The following STAU2 variants were observed in gnomAD, a reference collection of about 807,000 sequenced individuals.
The protein encoded by STAU2 is double-stranded RNA-binding protein Staufen homolog 2.
In STAU2, 20 loss-of-function variants were observed where a neutral mutation model predicts 65.9. The ratio of observed to expected loss-of-function variants is 0.30; its 90% CI spans 0.21 to 0.44. STAU2 has a LOEUF of 0.44. Ranked by LOEUF, STAU2 falls within the 20% of genes least tolerant of loss-of-function variation. The pLI, the probability that STAU2 is intolerant of heterozygous loss-of-function variation, is 1.00. For synonymous variants in STAU2, 232 were observed against 233.9 expected (o/e 0.99, Z 0.07); for missense variants, 558 against 683.9 (o/e 0.82, Z 2.05).
intron 11 of STAU2, among the ~76,000 whole-genome samples, chr8:73,584,604 G>C (rs1454898491): frequency 1.3e-5 from 2 of 152,162 alleles, no homozygotes; most frequent in East Asian, 3.9e-4. Flanking sequence ...CTAGAGGAGA[G>C]TAATCATGCT....
chr8:73,499,129 T>G lies in STAU2; in HGVS notation c.1530+52883A>C, dbSNP rs555482489. Reference sequence around the variant, plus strand: ...CTTCAACTCAAACTGCAATATTAACTCTGCCTGTTTCCAGCCCACTTACCT... The same window carrying G: ...CTTCAACTCAAACTGCAATATTAACGCTGCCTGTTTCCAGCCCACTTACCT... On this transcript the variant is annotated intron_variant, in intron 13 of 14. Coordinates refer to ENST00000524300, the MANE Select transcript of STAU2 (RefSeq NM_001164380.2). Among the ~76,000 whole-genome samples the G allele has an allele frequency of 1.1e-4, 17 of 151,946 alleles. No individual in the cohort carries two copies. In the East Asian group the frequency reaches 3.3e-3, roughly 30 times the overall value.
chr8:73,461,363 G>A (rs935211068), intron 13 of STAU2, among the ~76,000 whole-genome samples: 2 of 152,118 alleles, frequency 1.3e-5, no homozygotes, highest in African/African-American at 4.8e-5. Flanking sequence ...TTTCAAAGGA[G>A]TAATAATTAT....
At chr8:73,545,638 T>A (rs1276971292) in intron 13 of STAU2, among the ~76,000 whole-genome samples, 2 of 150,484 alleles carry the variant, frequency 1.3e-5, no homozygotes, top group Non-Finnish European at 3.0e-5. Flanking sequence ...CAGAATTCTT[T>A]TTTTTTTTTT....
chr8:73,480,987 T>A (rs1333735274), intron 13 of STAU2, among the ~76,000 whole-genome samples: 3 of 152,156 alleles, frequency 2.0e-5, no homozygotes, highest in African/African-American at 7.2e-5. Context: ...AAAATTCTTG[T>A]CATAAAAAGT....
At chr8:73,510,962 C>T (rs1266813056) in intron 13 of STAU2, among the ~76,000 whole-genome samples, 5 of 152,208 alleles carry the variant, frequency 3.3e-5, no homozygotes, top group Admixed American at 2.6e-4. Context: ...CTCTGCCTTG[C>T]AATTGGGAGC....
chr8:73,559,540 C>G (rs1808038177), intron 12 of STAU2, among the ~76,000 whole-genome samples: 1 of 152,180 alleles, frequency 6.6e-6, no homozygotes, highest in Non-Finnish European at 1.5e-5. Flanking sequence ...CAGTGTGGGC[C>G]TCATAGCCGG....
intron 6 of STAU2, among the ~76,000 whole-genome samples, chr8:73,623,010 A>G (rs1041197597): frequency 2.6e-5 from 4 of 152,240 alleles, no homozygotes; most frequent in East Asian, 3.8e-4. Flanking sequence ...GATCCCAAAC[A>G]AGTCTTGAGA....
intron 6 of STAU2, chr8:73,668,865 T>A: frequency 2.0e-6 from 1 of 499,186 alleles, no homozygotes; most frequent in East Asian, 3.0e-5. Flanking sequence ...TAAGTTCAAG[T>A]GGAGAAACAT....
intron 1 of STAU2, among the ~76,000 whole-genome samples, chr8:73,740,266 C>T (rs1806751121): frequency 6.6e-6 from 1 of 152,208 alleles, no homozygotes; most frequent in South Asian, 2.1e-4. Flanking sequence ...TGTTTGTTGT[C>T]TTAAGTCCTT....
intron 3 of STAU2, among the ~76,000 whole-genome samples, chr8:73,727,079 A>G (rs1805693434): frequency 1.3e-5 from 2 of 152,038 alleles, no homozygotes. Flanking sequence ...AAAATACAAA[A>G]TTTAGCTGGG....
In STAU2 at chr8:73,717,212, A is replaced by AT. The variant is rs1821310322; in HGVS notation, c.-17-8051_-17-8050insA. Among the ~76,000 whole-genome samples the AT allele has an allele frequency of 8.5e-5, 13 of 152,050 alleles. No individual in the cohort carries two copies. In the South Asian group the frequency reaches 2.7e-3, roughly 32 times the overall value. On this transcript the variant is annotated intron_variant, in intron 3 of 14. Coordinates refer to ENST00000524300, the MANE Select transcript of STAU2 (RefSeq NM_001164380.2). ...GAGGAATCACTACGAAAAAAATAAA[A>AT]ATTTTTTTCCCAAACTGTGGCTTTT...
At chr8:73,720,162 A>G (rs1193996198) in intron 3 of STAU2, among the ~76,000 whole-genome samples, 1 of 151,956 alleles carries the variant, frequency 6.6e-6, no homozygotes, top group Non-Finnish European at 1.5e-5. Flanking sequence ...ATGTGCCTGA[A>G]GTCCCAGCTA....
chr8:73,423,233 A>G (rs1277086754), intron 13 of STAU2, among the ~76,000 whole-genome samples: 2 of 152,168 alleles, frequency 1.3e-5, no homozygotes, highest in East Asian at 3.9e-4. Context: ...ATGAGGAAAG[A>G]GAGAAAGTTT....
chr8:73,487,308 T>C (rs533965040), intron 13 of STAU2, among the ~76,000 whole-genome samples: 1 of 151,980 alleles, frequency 6.6e-6, no homozygotes, highest in East Asian at 1.9e-4. Flanking sequence ...GTGGTAGGAG[T>C]GGAGGTTGGC....
chr8:73,428,776 A>G (rs138445173), intron 13 of STAU2, among the ~76,000 whole-genome samples: 104 of 152,264 alleles, frequency 6.8e-4, no homozygotes, highest in African/African-American at 2.5e-3. Flanking sequence ...CCAGTCCAGG[A>G]CCCATGGCAC....
chr8:73,580,736 G>A (rs188198423), intron 12 of STAU2, among the ~76,000 whole-genome samples: 1 of 152,296 alleles, frequency 6.6e-6, no homozygotes, highest in East Asian at 1.9e-4. Flanking sequence ...TCACTTGTGA[G>A]AACTAACCCT....
At chr8:73,653,314 T>C (rs1816049596) in intron 6 of STAU2, 1 of 152,202 alleles carries the variant, frequency 6.6e-6, no homozygotes, top group Non-Finnish European at 1.5e-5. Context: ...ATGCTAAGAA[T>C]TGTGGCATTT....
At chr8:73,747,468 CAACG>C (rs1396377094), upstream of STAU2, 1 of 1,534,340 alleles carries the variant, frequency 6.5e-7, no homozygotes, top group Non-Finnish European at 8.7e-7. Context: ...CGCCGCTGTG[CAACG>C]CACGGTTTAG....
intron 5 of STAU2, among the ~76,000 whole-genome samples, chr8:73,674,947 T>A (rs1219173125): frequency 6.6e-6 from 1 of 151,640 alleles, no homozygotes; most frequent in Non-Finnish European, 1.5e-5. Context: ...AGCTTAAGTA[T>A]CCACTTAAGA....
Sources: allele counts gnomAD v4.1 joint callset (sites outside exome capture counted in the v4.1 genomes callset), GRCh38; gene constraint gnomAD v4.1.1; transcripts MANE v1.5; gene names NCBI Gene and HGNC (gene_info 2026-07-23, HGNC 2026-07-21).